The following EFCAB14 variants were observed in gnomAD, a reference collection of about 807,000 sequenced individuals.
The protein encoded by EFCAB14 is EF-hand calcium-binding domain-containing protein 14.
A neutral mutation model predicts 56.5 loss-of-function variants in EFCAB14; 43 were observed. The observed-to-expected ratio is 0.76, with a 90% CI of 0.60 to 0.98. The LOEUF is 0.98. Ranked by LOEUF, EFCAB14 falls within the 50% of genes least tolerant of loss-of-function variation. The probability of loss-of-function intolerance (pLI) is 0.00; values close to 1 mark genes in which losing one functional copy is unlikely to be tolerated. For missense variants in EFCAB14, 538 were observed against 580.3 expected, an observed-to-expected ratio of 0.93 and a Z score of 0.75; for synonymous variants, 235 against 212.9, an observed-to-expected ratio of 1.10 and a Z score of -0.90.
intron 10 of EFCAB14, among the ~76,000 whole-genome samples, chr1:46,682,717 T>TAC (rs952762146): frequency 2.1e-4 from 32 of 152,330 alleles, no homozygotes; most frequent in African/African-American, 7.5e-4. Context: ...GATAATATAG[T>TAC]ACACTGGTTA....
chr1:46,703,931 A>C (rs1056245396), intron 3 of EFCAB14, among the ~76,000 whole-genome samples: 1 of 152,180 alleles, frequency 6.6e-6, no homozygotes, highest in African/African-American at 2.4e-5. Flanking sequence ...CAACTGCACT[A>C]ATGTTCTACC....
intron 4 of EFCAB14, among the ~76,000 whole-genome samples, chr1:46,693,960 C>T (rs1677037705): frequency 6.6e-6 from 1 of 151,830 alleles, no homozygotes; most frequent in African/African-American, 2.4e-5. Context: ...ACAAACCTGA[C>T]AAAAACAAAA....
At chr1:46,683,033 A>G (rs1676820257) in intron 10 of EFCAB14, among the ~76,000 whole-genome samples, 1 of 152,092 alleles carries the variant, frequency 6.6e-6, no homozygotes, top group African/African-American at 2.4e-5. Flanking sequence ...TTGGCATCAG[A>G]CTGTCTTGGT....
In EFCAB14 at chr1:46,696,570, G is replaced by T; in HGVS notation, c.560C>A (p.Thr187Asn). ...ACCTACCTTCTGAAGTCCCTCTACA[G>T]TGGTAGGCAGGCTAATCAAGTCTGC... Reference protein sequence around the residue: ...SAADLISLPTTVEGLQKSVAS... With the variant: ...SAADLISLPTNVEGLQKSVAS... Residue 187 changes from threonine to asparagine, a missense_variant, in exon 4 of 11, where the codon ACT becomes AAT. Physicochemically the swap from Thr to Asn is moderately conservative, Grantham distance 65. Coordinates refer to ENST00000371933, the MANE Select transcript of EFCAB14 (RefSeq NM_014774.3). 2.5e-6 allele frequency: 4 copies of T among 1,613,526 alleles called. No individual in the cohort carries two copies. Among genetic ancestry groups the T allele is most frequent in the Non-Finnish European group, 3.4e-6 (4 of 1,179,598 alleles).
At chr1:46,696,447 G>A in intron 4 of EFCAB14, 104 bp downstream of exon 4, 1 of 1,078,208 alleles carries the variant, frequency 9.3e-7, no homozygotes, top group African/African-American at 1.6e-5. Flanking sequence ...GATTTCAAAT[G>A]CTAGGCTTTC....
At chr1:46,711,390 T>C (rs1677306183) in intron 2 of EFCAB14, among the ~76,000 whole-genome samples, 1 of 151,956 alleles carries the variant, frequency 6.6e-6, no homozygotes, top group Non-Finnish European at 1.5e-5. Context: ...AACTAGGAGG[T>C]AGGAGTGGAA....
At chr1:46,711,521 C>T (rs182681174) in intron 2 of EFCAB14, among the ~76,000 whole-genome samples, 1 of 152,234 alleles carries the variant, frequency 6.6e-6, no homozygotes, top group Non-Finnish European at 1.5e-5. Context: ...GAGGGGATCA[C>T]AATGATTATC....
At chr1:46,680,233 CAT>C (rs999759087) in intron 10 of EFCAB14, among the ~76,000 whole-genome samples, 3 of 152,074 alleles carry the variant, frequency 2.0e-5, no homozygotes, top group African/African-American at 4.8e-5. Context: ...CAAATGAAAA[CAT>C]ATGTTTACAT....
At chr1:46,712,198 C>T (rs941269697) in intron 2 of EFCAB14, among the ~76,000 whole-genome samples, 1 of 152,178 alleles carries the variant, frequency 6.6e-6, no homozygotes, top group Non-Finnish European at 1.5e-5. Context: ...CTAATGCCCT[C>T]GTTAGCACAA....
intron 10 of EFCAB14, among the ~76,000 whole-genome samples, chr1:46,681,408 A>G (rs1676793089): frequency 6.6e-6 from 1 of 152,250 alleles, no homozygotes; most frequent in African/African-American, 2.4e-5. Flanking sequence ...CACCATACCT[A>G]GGTAAAATAG....
chr1:46,700,956 TGAGA>T (rs72283851), intron 3 of EFCAB14, among the ~76,000 whole-genome samples: 35 of 135,226 alleles, frequency 2.6e-4, no homozygotes, highest in African/African-American at 9.0e-4. Flanking sequence ...TATGGGGGCA[TGAGA>T]GAGAGAGAGA....
rs117450964 is a variant in EFCAB14 at position 46,690,214 on chromosome 1, G to T, written c.691-523C>A. On this transcript the variant is annotated intron_variant, in intron 5 of 10. Transcript: ENST00000371933. ...TGCTAAGTAAGACTTATGTTTGAGG[G>T]TTATCTTTCCTTTCCCATTCCCTTC... Among the ~76,000 whole-genome samples the T allele has an allele frequency of 1.6e-4, 24 of 152,288 alleles. No homozygotes were observed. The East Asian group carries it at 4.4e-3, about 28-fold the overall frequency.
chr1:46,713,019 ACAAC>A (rs898577940), intron 2 of EFCAB14, among the ~76,000 whole-genome samples: 2 of 151,930 alleles, frequency 1.3e-5, no homozygotes, highest in Non-Finnish European at 2.9e-5. Context: ...CATCTCAAAA[ACAAC>A]CAACCAACCA....
At chr1:46,685,756 T>C (rs941881828) in intron 8 of EFCAB14, among the ~76,000 whole-genome samples, 3 of 152,238 alleles carry the variant, frequency 2.0e-5, no homozygotes, top group Admixed American at 6.5e-5. Flanking sequence ...TACTTTCTAA[T>C]AGAAACCACC....
intron 10 of EFCAB14, among the ~76,000 whole-genome samples, chr1:46,679,599 GTTTTT>G (rs60875639): frequency 4.1e-4 from 15 of 36,520 alleles, no homozygotes; most frequent in African/African-American, 1.2e-3. Flanking sequence ...CACCACGCCT[GTTTTT>G]TTTTTTTTTT....
intron 2 of EFCAB14, among the ~76,000 whole-genome samples, chr1:46,711,412 C>T (rs1032237768): frequency 7.2e-5 from 11 of 152,170 alleles, no homozygotes; most frequent in African/African-American, 2.4e-4. Context: ...AGGAAATAGA[C>T]AAATACATAA....
chr1:46,717,606 CCT>C (rs1474950087), intron 1 of EFCAB14, among the ~76,000 whole-genome samples: 2 of 152,174 alleles, frequency 1.3e-5, no homozygotes, highest in African/African-American at 2.4e-5. Context: ...CTTCTCTGCT[CCT>C]CTGTCTCCAT....
At chr1:46,692,241 G>A (rs1677004652) in intron 4 of EFCAB14, 1 of 241,566 alleles carries the variant, frequency 4.1e-6, no homozygotes, top group Admixed American at 5.5e-5. Context: ...TTTTTAAAGT[G>A]TGGCTGCTTC....
Position 46,684,596 on chromosome 1 carries a change from C to G in EFCAB14, c.1081G>C (p.Asp361His). ...TTGGATACCTGAGAATTTGAACTAT[C>G]TTCTTTCTGCACAAAACAAAGATTA... ...TVKIQSIKKE[D>H]SSNSQVSKLR... Residue 361 changes from aspartate to histidine, a missense_variant, in exon 9 of 11, where the codon GAT becomes CAT. Asp to His is a moderately conservative substitution (Grantham distance 81, BLOSUM62 -1). Coordinates refer to ENST00000371933, the MANE Select transcript of EFCAB14 (RefSeq NM_014774.3). 1.2e-6 allele frequency: 2 copies of G among 1,613,148 alleles called. No homozygotes were observed. Among genetic ancestry groups the G allele is most frequent in the South Asian group, 1.1e-5 (1 of 91,066 alleles).
Sources: allele counts gnomAD v4.1 joint callset (sites outside exome capture counted in the v4.1 genomes callset), GRCh38; gene constraint gnomAD v4.1.1; transcripts MANE v1.5; gene names NCBI Gene and HGNC (gene_info 2026-07-23, HGNC 2026-07-21).